Variants in DIP2B observed in about 807,000 individuals in gnomAD.
DIP2B encodes DIP2 acetate--CoA ligase B (putative).
In DIP2B, 76 loss-of-function variants were observed where a neutral mutation model predicts 198.0. That is an observed-to-expected ratio of 0.38 (90% CI 0.32 to 0.46). DIP2B has a LOEUF of 0.46. Ranked by LOEUF, DIP2B falls within the 20% of genes least tolerant of loss-of-function variation. DIP2B has a pLI of 0.99. For missense variants in DIP2B, 1,559 were observed against 1,978.4 expected, an observed-to-expected ratio of 0.79 and a Z score of 4.02; for synonymous variants, 701 against 739.1, an observed-to-expected ratio of 0.95 and a Z score of 0.84.
chr12:50,667,050 G>T (rs1310302175), intron 4 of DIP2B, among the ~76,000 whole-genome samples: 1 of 152,206 alleles, frequency 6.6e-6, no homozygotes, highest in Non-Finnish European at 1.5e-5. Flanking sequence ...TGCATTTTTT[G>T]TAGAGACAGG....
At chr12:50,631,894 T>G (rs1450843505) in intron 2 of DIP2B, among the ~76,000 whole-genome samples, 1 of 152,212 alleles carries the variant, frequency 6.6e-6, no homozygotes, top group Non-Finnish European at 1.5e-5. Context: ...TTGGGTAATT[T>G]ATGTTATATA....
At chr12:50,538,665 T>C (rs1350568649) in intron 1 of DIP2B, among the ~76,000 whole-genome samples, 2 of 152,206 alleles carry the variant, frequency 1.3e-5, no homozygotes, top group Admixed American at 6.5e-5. Flanking sequence ...GTTATCAAAG[T>C]AAATAATGTT....
intron 1 of DIP2B, among the ~76,000 whole-genome samples, chr12:50,544,622 T>A (rs1308888524): frequency 9.6e-6 from 1 of 103,664 alleles, no homozygotes; most frequent in Non-Finnish European, 2.1e-5. Context: ...AACTTTCTTT[T>A]TCTTTTTTTT....
At chr12:50,545,034 T>C (rs999627532) in intron 1 of DIP2B, among the ~76,000 whole-genome samples, 4 of 152,178 alleles carry the variant, frequency 2.6e-5, no homozygotes, top group Non-Finnish European at 1.5e-5. Flanking sequence ...AAGACCAGCT[T>C]GTATGACTGT....
At chr12:50,597,946 A>G (rs759703901) in intron 1 of DIP2B, among the ~76,000 whole-genome samples, 2 of 152,156 alleles carry the variant, frequency 1.3e-5, no homozygotes, top group African/African-American at 2.4e-5. Flanking sequence ...CTTTATGCAA[A>G]CTTAGTGAGA....
In DIP2B at chr12:50,744,944, A is replaced by C; in HGVS notation, c.*105A>C. On this transcript the variant is annotated 3_prime_UTR_variant, in exon 38 of 38. Transcript: ENST00000301180. ...CGATGTGAAATAAGCTGAGATGGCT[A>C]CATGATATTCTTCATCTCATCCTGT... 1 of 1,352,818 alleles carries C rather than the reference A, an allele frequency of 7.4e-7. No individual in the cohort carries two copies. Among genetic ancestry groups the C allele is most frequent in the Non-Finnish European group, 1.0e-6 (1 of 987,832 alleles). 83.8% of individuals were successfully genotyped at this position (1,352,818 alleles called of 1,614,324 possible).
chr12:50,515,654 T>A (rs1451894731), intron 1 of DIP2B, among the ~76,000 whole-genome samples: 7 of 152,226 alleles, frequency 4.6e-5, no homozygotes. Context: ...TTTCTCCTGA[T>A]GAGGGTATTC....
At chr12:50,666,319 C>T (rs780604341) in intron 4 of DIP2B, among the ~76,000 whole-genome samples, 73 of 152,268 alleles carry the variant, frequency 4.8e-4, no homozygotes, top group Middle Eastern at 3.4e-3. Context: ...TTAGTTCACT[C>T]AACAGTTTTC....
chr12:50,513,313 A>G (rs1958034744), intron 1 of DIP2B, among the ~76,000 whole-genome samples: 1 of 152,192 alleles, frequency 6.6e-6, no homozygotes, highest in Admixed American at 6.5e-5. Context: ...TTAGTCCAGT[A>G]CATGTTGGGT....
At chr12:50,741,393 TTC>T (rs748911182) in intron 36 of DIP2B, 21 bp from the exon 37 acceptor site, 14 of 1,611,626 alleles carry the variant, frequency 8.7e-6, no homozygotes, top group Non-Finnish European at 1.1e-5. Flanking sequence ...CAAGCCACAT[TTC>T]TCTCTTTTTC....
At chr12:50,517,215 G>A (rs1024400377) in intron 1 of DIP2B, among the ~76,000 whole-genome samples, 19 of 151,660 alleles carry the variant, frequency 1.3e-4, no homozygotes, top group Admixed American at 5.3e-4. Context: ...CACCGCACCC[G>A]ACCAAAAAAT....
In DIP2B at chr12:50,534,863, T is replaced by C. The variant is rs189350040; in HGVS notation, c.100+29623T>C. ...ATGAGAGAATCTAGTTCTTCCTAGC[T>C]CTTAGTTCCTGAGATGACCTATGAT... is the stretch of plus-strand genomic sequence containing the variant. On this transcript the variant is annotated intron_variant, in intron 1 of 37. Coordinates refer to ENST00000301180, the MANE Select transcript of DIP2B (RefSeq NM_173602.3). 1.1e-3 allele frequency among the ~76,000 whole-genome samples: 173 copies of C among 152,308 alleles called. 2 individuals are homozygous for C. The highest frequency in any genetic ancestry group is 3.9e-3 in the African/African-American group (162 of 41,568).
At chr12:50,510,986 C>T (rs116003396) in intron 1 of DIP2B, among the ~76,000 whole-genome samples, 9,023 of 141,032 alleles carry the variant, frequency 0.064, 703 homozygotes, top group East Asian at 0.39. Context: ...CTCCCTGTCA[C>T]CCGTGCTGGA....
chr12:50,712,607 AAAAC>A (rs551949186), intron 22 of DIP2B, among the ~76,000 whole-genome samples: 149 of 151,362 alleles, frequency 9.8e-4, no homozygotes, highest in Non-Finnish European at 5.2e-4. Flanking sequence ...CCATCTTAAA[AAAAC>A]AAACAAACGA....
At chr12:50,695,751 A>T (rs990303572) in intron 15 of DIP2B, 97 bp from the exon 16 acceptor site, 14 of 1,514,332 alleles carry the variant, frequency 9.2e-6, no homozygotes, top group Non-Finnish European at 1.2e-5. Flanking sequence ...AGCAAATATC[A>T]TGATTCCCCA....
chr12:50,698,496 T>C, intron 18 of DIP2B, 29 bp downstream of exon 18: 1 of 1,593,192 alleles, frequency 6.3e-7, no homozygotes, highest in Non-Finnish European at 8.6e-7. Context: ...CATTTGGTTT[T>C]TCATAAAGAT....
In DIP2B at chr12:50,678,763, A is replaced by G; in HGVS notation, c.1001A>G (p.Asn334Ser). ...GGAGAGCCTTTAGGAGTCATCTGTA[A>G]CTGGCCTCCTGCTCTTGAATCTGCC... ...VKGEPLGVIC[N>S]WPPALESALQ... The change falls in exon 8 of 38, where the codon AAC becomes AGC. Residue 334 changes from asparagine to serine, a missense_variant. Coordinates refer to ENST00000301180, the MANE Select transcript of DIP2B (RefSeq NM_173602.3). 1 of 1,614,200 alleles carries G rather than the reference A, an allele frequency of 6.2e-7. No homozygotes were observed.
At chr12:50,725,924 A>G (rs774212431) in intron 28 of DIP2B, among the ~76,000 whole-genome samples, 2 of 150,910 alleles carry the variant, frequency 1.3e-5, no homozygotes, top group Non-Finnish European at 1.5e-5. Flanking sequence ...TGTGTACCAG[A>G]TGCTGAACTG....
intron 36 of DIP2B, among the ~76,000 whole-genome samples, chr12:50,740,085 C>T (rs1331605782): frequency 1.3e-5 from 2 of 152,170 alleles, no homozygotes; most frequent in Admixed American, 6.5e-5. Flanking sequence ...CTCCCATCAC[C>T]CTCTGCCCAG....
Sources: allele counts gnomAD v4.1 joint callset (sites outside exome capture counted in the v4.1 genomes callset), GRCh38; gene constraint gnomAD v4.1.1; transcripts MANE v1.5; gene names NCBI Gene and HGNC (gene_info 2026-07-23, HGNC 2026-07-21).